Variants in SNRNP48 observed in about 807,000 individuals in gnomAD.
The protein encoded by SNRNP48 is U11/U12 small nuclear ribonucleoprotein 48 kDa protein.
Under a neutral mutation model 47.0 loss-of-function variants are expected in SNRNP48, and 43 were observed. That is an observed-to-expected ratio of 0.92 (90% CI 0.72 to 1.18). The LOEUF (loss-of-function observed/expected upper bound fraction) is 1.18, where lower values mean the gene tolerates loss of function less well. Among genes scored for constraint, SNRNP48 ranks in the 50% most tolerant of loss-of-function variants. The probability of loss-of-function intolerance (pLI) is 0.00; values close to 1 mark genes in which losing one functional copy is unlikely to be tolerated. For synonymous variants in SNRNP48, 138 were observed against 144.0 expected (o/e 0.96, Z 0.30); for missense variants, 396 against 422.2 (o/e 0.94, Z 0.54).
chr6:7,603,758 T>G (rs1760074557), intron 6 of SNRNP48, among the ~76,000 whole-genome samples: 1 of 152,208 alleles, frequency 6.6e-6, no homozygotes, highest in Admixed American at 6.5e-5. Context: ...AATCTGTGTT[T>G]TAGACTTAAC....
Position 7,590,263 on chromosome 6 carries a change from GGGCGAGCCTCCACCTGTGGA to G in SNRNP48, c.9_28del (p.Glu4AlafsTer32). On this transcript the variant is annotated frameshift_variant, in exon 1 of 9. Coordinates refer to ENST00000342415, the MANE Select transcript of SNRNP48 (RefSeq NM_152551.4). LOFTEE classifies it high-confidence loss of function. ...TTGGCGGGTGGGCTGCAGCTATGGAGGGCGAGCCTCCACCTGTGGAGGAGCGGCGGCGGCTGCAGGAGGAG... is the reference window on the plus strand; with the variant it reads ...TTGGCGGGTGGGCTGCAGCTATGGAGGGAGCGGCGGCGGCTGCAGGAGGAG... The G allele has an allele frequency of 7.5e-7, 1 of 1,338,672 alleles. No homozygotes were observed. Among genetic ancestry groups the G allele is most frequent in the Non-Finnish European group, 9.7e-7 (1 of 1,035,168 alleles). 82.9% of individuals were successfully genotyped at this position (1,338,672 alleles called of 1,614,324 possible).
rs1363654194 is a variant in SNRNP48 at position 7,594,136 on chromosome 6, T to C, written c.308T>C (p.Val103Ala). ...AATCCTGAGTTTTTCTATGAAAATGTGAAGATACCTTCGATTACTTTGAGT... is the reference window on the plus strand; with the variant it reads ...AATCCTGAGTTTTTCTATGAAAATGCGAAGATACCTTCGATTACTTTGAGT... ...MYNPEFFYENVKIPSITLNKD... is the reference protein window; with the variant it reads ...MYNPEFFYENAKIPSITLNKD... The change falls in exon 3 of 9, where the codon GTG (valine) becomes GCG (alanine). Residue 103 changes from valine to alanine, a missense_variant. Val to Ala is a moderately conservative substitution (Grantham distance 64). Coordinates refer to ENST00000342415, the MANE Select transcript of SNRNP48 (RefSeq NM_152551.4). The C allele has an allele frequency of 2.1e-6, 3 of 1,415,842 alleles. No homozygotes were observed. The highest frequency in any genetic ancestry group is 2.9e-5 in the African/African-American group (2 of 68,982). The allele number at this position is 1,415,842 out of a possible 1,614,324, so 87.7% of individuals were successfully genotyped here.
chr6:7,590,929 G>C (rs1340060978), intron 1 of SNRNP48, among the ~76,000 whole-genome samples: 1 of 152,224 alleles, frequency 6.6e-6, no homozygotes, highest in Non-Finnish European at 1.5e-5. Flanking sequence ...AGTGAGCCGA[G>C]ATCGCTCCAC....
intron 8 of SNRNP48, among the ~76,000 whole-genome samples, chr6:7,607,495 A>G (rs572048334): frequency 1.3e-5 from 2 of 152,168 alleles, no homozygotes; most frequent in African/African-American, 2.4e-5. Context: ...TGCCACATCT[A>G]TGCCTTTCCA....
At position 7,609,563 on chromosome 6, in the gene SNRNP48, A is replaced by C. The variant is rs777316458; in HGVS notation, c.*690A>C. 2.6e-5 allele frequency: 4 copies of C among 152,214 alleles called. No homozygotes were observed. Among genetic ancestry groups the C allele is most frequent in the Non-Finnish European group, 4.4e-5 (3 of 68,030 alleles). 9.4% of individuals were successfully genotyped at this position (152,214 alleles called of 1,614,324 possible). ...ATAATGTACGTAAATCTATTTTTAA[A>C]GGTTCAGAGGAATCCATACCAAAGT... is the stretch of plus-strand genomic sequence containing the variant. On this transcript the variant is annotated 3_prime_UTR_variant, in exon 9 of 9. Transcript: ENST00000342415.
intron 8 of SNRNP48, among the ~76,000 whole-genome samples, chr6:7,606,612 TA>T (rs756756029): frequency 1.8e-4 from 27 of 152,202 alleles, no homozygotes; most frequent in Non-Finnish European, 3.7e-4. Flanking sequence ...AGAGAACATC[TA>T]AATTTTGACA....
intron 7 of SNRNP48, 51 bp from the exon 8 acceptor site, chr6:7,605,980 C>A: frequency 6.5e-7 from 1 of 1,541,928 alleles, no homozygotes; most frequent in Non-Finnish European, 8.7e-7. Flanking sequence ...TGTACGTATA[C>A]TGGAGACCAG....
rs541259666 is a variant in SNRNP48, at chr6:7,596,276, A to G, written c.406+1175A>G. Among the ~76,000 whole-genome samples the G allele has an allele frequency of 4.6e-5, 7 of 151,930 alleles. No individual in the cohort carries two copies. The East Asian group carries it at 5.8e-4, about 13-fold the overall frequency. ...GCGAGACTCCATCTCAAAAAAAAAA[A>G]CACACATAGACAAACGAGTTAATAA... On this transcript the variant is annotated intron_variant, in intron 4 of 8. Transcript: ENST00000342415.
chr6:7,593,762 C>T lies in SNRNP48; in HGVS notation c.185C>T (p.Ser62Phe), dbSNP rs1214091821. The T allele has an allele frequency of 1.3e-6, 2 of 1,598,548 alleles. No homozygotes were observed. Among genetic ancestry groups the T allele is most frequent in the Admixed American group, 3.5e-5 (2 of 57,888 alleles). The change falls in exon 2 of 9, where the codon TCC (serine) becomes TTC (phenylalanine). Residue 62 changes from serine (S) to phenylalanine (F), a missense_variant. Ser to Phe is a radical substitution (Grantham distance 155). Transcript: ENST00000342415. ...EDEVVICPYD[S>F]NHHMPKSSLA... ...GAAGTTGTGATATGTCCATACGATT[C>T]CAATCATCACATGCCTAAATCATCT...
At chr6:7,591,963 T>C (rs1398436082) in intron 1 of SNRNP48, among the ~76,000 whole-genome samples, 1 of 152,090 alleles carries the variant, frequency 6.6e-6, no homozygotes, top group Non-Finnish European at 1.5e-5. Flanking sequence ...GTCCTAGTTG[T>C]CACCTAGTTC....
intron 1 of SNRNP48, 117 bp downstream of exon 1, chr6:7,590,530 G>A: frequency 4.3e-6 from 5 of 1,149,804 alleles, no homozygotes; most frequent in Non-Finnish European, 5.5e-6. Context: ...TCGTCCGTGT[G>A]CAGAGCCGCG....
At chr6:7,606,432 A>T (rs1040072353) in intron 8 of SNRNP48, among the ~76,000 whole-genome samples, 6 of 152,102 alleles carry the variant, frequency 3.9e-5, no homozygotes, top group African/African-American at 1.4e-4. Context: ...TTTATCTCTT[A>T]CTTGCTTGCT....
intron 4 of SNRNP48, chr6:7,599,899 AGG>A (rs1759981252): frequency 2.0e-6 from 2 of 1,012,080 alleles, no homozygotes; most frequent in East Asian, 1.4e-4. Context: ...ATTGAAGAAA[AGG>A]CTAAAATAAT....
intron 3 of SNRNP48, 107 bp downstream of exon 3, chr6:7,594,266 C>T: frequency 2.0e-6 from 1 of 505,792 alleles, no homozygotes; most frequent in South Asian, 3.2e-5. Context: ...ATGACAAGGA[C>T]ATTTAGTACC....
intron 3 of SNRNP48, 56 bp from the exon 4 acceptor site, chr6:7,594,971 T>G (rs1050417153): frequency 6.9e-6 from 10 of 1,448,356 alleles, no homozygotes; most frequent in African/African-American, 1.5e-5. Flanking sequence ...GTTAATAATT[T>G]AATTGTGGTC....
chr6:7,601,290 A>C (rs1236223725), intron 4 of SNRNP48, 46 bp from the exon 5 acceptor site: 1 of 1,448,396 alleles, frequency 6.9e-7, no homozygotes, highest in East Asian at 2.5e-5. Flanking sequence ...TTAAGTTCAC[A>C]ATGCTTCATG....
At chr6:7,601,191 A>G in intron 4 of SNRNP48, 145 bp from the exon 5 acceptor site, 1 of 561,454 alleles carries the variant, frequency 1.8e-6, no homozygotes, top group South Asian at 2.8e-5. Context: ...TATTGCTTAG[A>G]TTGATATTTT....
At position 7,608,990 on chromosome 6, in the gene SNRNP48, A is replaced by AT. The variant is rs925151552; in HGVS notation, c.*125dup. The AT allele has an allele frequency of 3.5e-5, 17 of 487,616 alleles. No homozygotes were observed. Among genetic ancestry groups the AT allele is most frequent in the Admixed American group, 1.4e-4 (3 of 22,008 alleles). 30.2% of individuals were successfully genotyped at this position (487,616 alleles called of 1,614,324 possible). On this transcript the variant is annotated 3_prime_UTR_variant, in exon 9 of 9. Transcript: ENST00000342415. ...TTTTATGATCTGTTTAGTGCTTATT[A>AT]TTTTTTTTATGATCTGTTTAGTGCT...
chr6:7,595,573 T>C (rs919484072), intron 4 of SNRNP48, among the ~76,000 whole-genome samples: 1 of 152,254 alleles, frequency 6.6e-6, no homozygotes, highest in Non-Finnish European at 1.5e-5. Context: ...GATGGGTTTA[T>C]CGGGATGTAA....
Sources: allele counts gnomAD v4.1 joint callset (sites outside exome capture counted in the v4.1 genomes callset), GRCh38; gene constraint gnomAD v4.1.1; transcripts MANE v1.5; gene names NCBI Gene and HGNC (gene_info 2026-07-23, HGNC 2026-07-21).